ARPC2: variants seen among roughly 807,000 people sequenced by gnomAD.
ARPC2 encodes the protein actin related protein 2/3 complex subunit 2, also known as actin-related protein 2/3 complex subunit 2.
ARPC2 carries 4 observed loss-of-function variants against 38.6 expected under a neutral mutation model. That is an observed-to-expected ratio of 0.10 (90% confidence interval 0.05 to 0.24). ARPC2 has a LOEUF of 0.24. Ranked by LOEUF, ARPC2 falls within the 10% of genes least tolerant of loss-of-function variation. The pLI, the probability that ARPC2 is intolerant of heterozygous loss-of-function variation, is 1.00. For missense variants in ARPC2, 229 were observed against 387.3 expected, an observed-to-expected ratio of 0.59 and a Z score of 3.43; for synonymous variants, 125 against 140.8, an observed-to-expected ratio of 0.89 and a Z score of 0.79.
chr2:218,239,282 T>C (rs1689851728), intron 6 of ARPC2, 109 bp from the exon 7 acceptor site: 2 of 769,562 alleles, frequency 2.6e-6, no homozygotes, highest in Non-Finnish European at 4.3e-6. Context: ...CTTTATATTA[T>C]GATTTAAGAG....
chr2:218,247,771 A>G (rs1036842878), intron 8 of ARPC2, among the ~76,000 whole-genome samples: 3 of 152,024 alleles, frequency 2.0e-5, no homozygotes, highest in African/African-American at 4.8e-5. Flanking sequence ...GTGAAACCCC[A>G]TCTCTACAAA....
intron 8 of ARPC2, among the ~76,000 whole-genome samples, chr2:218,246,563 G>C (rs1390913156): frequency 1.3e-5 from 2 of 151,946 alleles, no homozygotes; most frequent in Non-Finnish European, 2.9e-5. Context: ...AGGATAGGCG[G>C]GGCACAGTGG....
chr2:218,230,002 C>A (rs901077422), intron 4 of ARPC2, among the ~76,000 whole-genome samples: 1 of 151,650 alleles, frequency 6.6e-6, no homozygotes, highest in Non-Finnish European at 1.5e-5. Context: ...TGGAGTCTCA[C>A]TCTGTTGCCC....
At chr2:218,249,517 C>A in intron 9 of ARPC2, 53 bp downstream of exon 9, 1 of 1,367,210 alleles carries the variant, frequency 7.3e-7, no homozygotes, top group South Asian at 1.2e-5. Flanking sequence ...TTTCCTCCAC[C>A]AGAACTCCTG....
intron 4 of ARPC2, among the ~76,000 whole-genome samples, chr2:218,232,691 T>C (rs1355381257): frequency 6.6e-6 from 1 of 151,628 alleles, no homozygotes; most frequent in Non-Finnish European, 1.5e-5. Context: ...CGCCTCAGCC[T>C]CCCAAGTAGC....
At position 218,220,609 on chromosome 2, in the gene ARPC2, AT is replaced by A. The variant is rs570096079; in HGVS notation, c.74+3079del. ...TGCATTAATTTTCCATTTGAAGTTGATTTTTTTTTTTTTTAATGATTCCTCT... is the reference window on the plus strand; with the variant it reads ...TGCATTAATTTTCCATTTGAAGTTGATTTTTTTTTTTTTAATGATTCCTCT... On this transcript the variant is annotated intron_variant, in intron 2 of 10. Coordinates refer to ENST00000315717, the MANE Select transcript of ARPC2 (RefSeq NM_152862.3). 2.2e-3 allele frequency among the ~76,000 whole-genome samples: 313 copies of A among 142,944 alleles called. 1 individual carries two copies. The highest frequency in any genetic ancestry group is 7.2e-3 in the Middle Eastern group (2 of 276). The allele number at this position is 142,944 out of a possible 152,430, so 93.8% of individuals were successfully genotyped here.
At chr2:218,242,156 G>A (rs1689930939) in intron 7 of ARPC2, among the ~76,000 whole-genome samples, 1 of 152,168 alleles carries the variant, frequency 6.6e-6, no homozygotes, top group Non-Finnish European at 1.5e-5. Flanking sequence ...AGGCTCTGAG[G>A]GATGCTTTCT....
intron 4 of ARPC2, among the ~76,000 whole-genome samples, chr2:218,232,463 G>T (rs1010301316): frequency 6.6e-6 from 1 of 152,008 alleles, no homozygotes; most frequent in Non-Finnish European, 1.5e-5. Context: ...CAAGAGCGTG[G>T]CACCAGCATC....
intron 7 of ARPC2, among the ~76,000 whole-genome samples, chr2:218,243,393 A>G (rs1689961074): frequency 6.6e-6 from 1 of 152,228 alleles, no homozygotes; most frequent in African/African-American, 2.4e-5. Context: ...AAAGATGCCA[A>G]TGAAGATGGA....
Position 218,249,808 on chromosome 2 carries a change from T to C in ARPC2, c.778-13T>C, listed in dbSNP as rs752840926. On this transcript the variant is annotated splice_polypyrimidine_tract_variant and intron_variant, in intron 9 of 10. Coordinates refer to ENST00000315717, the MANE Select transcript of ARPC2 (RefSeq NM_152862.3). ...CATGACTGTGCTTTAGTACCTGTTA[T>C]GTTTGTTCCCAGGCCTATATTCACA... The C allele has an allele frequency of 1.4e-5, 23 of 1,608,586 alleles. No individual in the cohort carries two copies. The East Asian group carries it at 2.7e-4, about 19-fold the overall frequency.
intron 5 of ARPC2, 74 bp from the exon 6 acceptor site, chr2:218,238,590 C>CTCT: frequency 2.4e-6 from 1 of 425,412 alleles, no homozygotes. Context: ...TAGTATGCTG[C>CTCT]TTTTTTTTTT....
intron 8 of ARPC2, among the ~76,000 whole-genome samples, chr2:218,245,976 GAGGTTAAGGC>G (rs2106157911): frequency 6.6e-6 from 1 of 152,160 alleles, no homozygotes; most frequent in South Asian, 2.1e-4. Context: ...AGCACTTTGG[GAGGTTAAGGC>G]AGGTGGATCA....
Position 218,217,563 on chromosome 2 carries a change from C to T in ARPC2, c.74+19C>T, listed in dbSNP as rs1249481376. 1.9e-6 allele frequency: 3 copies of T among 1,603,382 alleles called. No individual in the cohort carries two copies. Among genetic ancestry groups the T allele is most frequent in the African/African-American group, 1.3e-5 (1 of 74,710 alleles). ...CCGCCGGGTGAGCGCGCGCCCGGGG[C>T]CGGGGGTGGCGGGGGAAGCAGAGTT... On this transcript the variant is annotated intron_variant, in intron 2 of 10. Coordinates refer to ENST00000315717, the MANE Select transcript of ARPC2 (RefSeq NM_152862.3).
intron 7 of ARPC2, among the ~76,000 whole-genome samples, chr2:218,244,334 G>A (rs755872750): frequency 6.6e-6 from 1 of 152,154 alleles, no homozygotes; most frequent in African/African-American, 2.4e-5. Flanking sequence ...ACTAATTGTC[G>A]AGAGGGCTTG....
chr2:218,249,859 C>G lies in ARPC2; in HGVS notation c.816C>G (p.Asp272Glu). Reference protein sequence around the residue: ...IHTRMRAKTSDFLKVLNRARP... With the variant: ...IHTRMRAKTSEFLKVLNRARP... ...CACGTATGCGGGCGAAAACGTCTGACTTCCTCAAGGTGCTGAACCGCGCAC... is the reference window on the plus strand; with the variant it reads ...CACGTATGCGGGCGAAAACGTCTGAGTTCCTCAAGGTGCTGAACCGCGCAC... Residue 272 changes from aspartate (D) to glutamate (E), a missense_variant, in exon 10 of 11, where the codon GAC (aspartate) becomes GAG (glutamate). Around this residue, in one of 3 missense-constraint regions of ARPC2, gnomAD observed 92 missense variants for 152.3 expected, o/e 0.60. Coordinates refer to ENST00000315717, the MANE Select transcript of ARPC2 (RefSeq NM_152862.3). The G allele has an allele frequency of 6.2e-7, 1 of 1,613,986 alleles. No individual in the cohort carries two copies. The highest frequency in any genetic ancestry group is 8.5e-7 in the Non-Finnish European group (1 of 1,179,968).
At chr2:218,217,860 G>A in intron 2 of ARPC2, among the ~76,000 whole-genome samples, 1 of 152,224 alleles carries the variant, frequency 6.6e-6, no homozygotes, top group Non-Finnish European at 1.5e-5. Context: ...CCTGCCCTCT[G>A]GGGCGAGAAG....
chr2:218,217,275 T>TGA, intron 1 of ARPC2, 21 bp downstream of exon 1: 1 of 489,020 alleles, frequency 2.0e-6, no homozygotes, highest in Non-Finnish European at 3.7e-6. Context: ...TGGGTGGGTG[T>TGA]CTCCACAGTC....
intron 8 of ARPC2, among the ~76,000 whole-genome samples, chr2:218,246,741 C>T (rs1008189904): frequency 3.3e-5 from 5 of 151,818 alleles, no homozygotes; most frequent in Admixed American, 6.6e-5. Context: ...GAGGCCAAGG[C>T]GAGCAGATCA....
At chr2:218,217,604 C>G in intron 2 of ARPC2, 60 bp downstream of exon 2, 1 of 1,488,160 alleles carries the variant, frequency 6.7e-7, no homozygotes, top group Non-Finnish European at 9.2e-7. Context: ...CAGCTAATCC[C>G]CAATGTTGTC....
Sources: allele counts gnomAD v4.1 joint callset (sites outside exome capture counted in the v4.1 genomes callset), GRCh38; gene constraint gnomAD v4.1.1; regional missense constraint gnomAD v4.1.1; transcripts MANE v1.5; gene names NCBI Gene and HGNC (gene_info 2026-07-23, HGNC 2026-07-21).